FLG: variants seen among roughly 807,000 people sequenced by gnomAD.
The protein encoded by FLG is filaggrin.
FLG carries 6 observed loss-of-function variants against 3.8 expected under a neutral mutation model. The ratio of observed to expected loss-of-function variants is 1.60; its 90% CI spans 0.87 to 3.15. The LOEUF (loss-of-function observed/expected upper bound fraction) is 3.15. Among genes scored for constraint, FLG ranks in the 30% most tolerant of loss-of-function variants. The pLI is 0.00. For synonymous variants in FLG, 2,551 were observed against 1,931.6 expected (o/e 1.32, Z -8.41); for missense variants, 7,595 against 5,050.9 (o/e 1.50, Z -15.27).
chr1:152,315,535 AT>A, intron 1 of FLG, 58 bp from the exon 2 acceptor site: 1 of 1,313,582 alleles, frequency 7.6e-7, no homozygotes, highest in Non-Finnish European at 1.1e-6. Context: ...AGGTTATATT[AT>A]TACAATCATT....
rs115489580 is a variant in FLG, at chr1:152,314,737, T to C, written c.149A>G (p.Asp50Gly). 4,374 of 1,613,848 alleles carry C rather than the reference T, an allele frequency of 2.7e-3. 101 individuals carry two copies. The African/African-American group carries it at 0.051, about 19-fold the overall frequency. The change falls in exon 3 of 3, where the codon GAC becomes GGC. Residue 50 changes from aspartate (D) to glycine (G), a missense_variant. Physicochemically the swap from Asp to Gly is moderately conservative, Grantham distance 94. Transcript: ENST00000368799. ...CATGAAGACATCAACCATATCTGGG[T>C]CATCTGGATTCTGTACAGAGGGAAG... ...EFRQILKNPD[D>G]PDMVDVFMDH...
rs534493450 is a variant in FLG, at chr1:152,312,744, G to C, written c.2142C>G (p.Leu714=). 1.7e-5 allele frequency: 27 copies of C among 1,613,646 alleles called. No homozygotes were observed. The South Asian group carries it at 3.0e-4, about 18-fold the overall frequency. The change falls in exon 3 of 3, where the codon CTC becomes CTG. Residue 714 remains leucine (L), a synonymous_variant. Transcript: ENST00000368799. ...AGTGTCTGGAGCTGTCTGCTGACTG[G>C]AGCTGGTGGCGGGATCCATGTCTTT... ...AGERHGSRHQ[L]QSADSSRHSG...
Position 152,314,691 on chromosome 1 carries a change from G to A in FLG, c.195C>T (p.His65=), listed in dbSNP as rs776679330. The A allele has an allele frequency of 1.4e-5, 23 of 1,613,944 alleles. No homozygotes were observed. The highest frequency in any genetic ancestry group is 1.9e-5 in the Non-Finnish European group (22 of 1,179,892). ...ACTCAGTGAAGTCAATTTTCTTGTT[G>A]TGGTCTATATCCAAGTGATCCATGA... is the stretch of plus-strand genomic sequence containing the variant. ...DVFMDHLDID[H]NKKIDFTEFL... Residue 65 remains histidine (H), a synonymous_variant, in exon 3 of 3, where the codon CAC becomes CAT. Coordinates refer to ENST00000368799, the MANE Select transcript of FLG (RefSeq NM_002016.2).
In FLG at chr1:152,314,128, T is replaced by C. The variant is rs944553671; in HGVS notation, c.758A>G (p.Glu253Gly). ...CCTTGATCTTTCATATATTTTGTTT[T>C]CTTCTAATAGACTATCAGTGGTGTC... ...AYDTTDSLLE[E>G]NKIYERSRSS... The change falls in exon 3 of 3, where the codon GAA (glutamate) becomes GGA (glycine). Residue 253 changes from glutamate to glycine, a missense_variant. Physicochemically the swap from Glu to Gly is moderately conservative, Grantham distance 98. Transcript: ENST00000368799. 5 of 1,614,098 alleles carry C rather than the reference T, an allele frequency of 3.1e-6. No individual in the cohort carries two copies. Among genetic ancestry groups the C allele is most frequent in the Admixed American group, 3.3e-5 (2 of 60,010 alleles).
Position 152,313,026 on chromosome 1 carries a change from A to G in FLG, c.1860T>C (p.Ser620=), listed in dbSNP as rs1181860231. ...CCTGACTGTCACTGTCCTGGCTAAC[A>G]CTGGATCCCTGGTTCCTACTTGTCC... ...GPRTSRNQGS[S]VSQDSDSQGH... The change falls in exon 3 of 3, where the codon AGT becomes AGC. Residue 620 remains serine (S), a synonymous_variant. Transcript: ENST00000368799. The G allele has an allele frequency of 5.6e-6, 9 of 1,613,822 alleles. 1 individual carries two copies. The South Asian group carries it at 9.9e-5, about 18-fold the overall frequency.
rs36006086 is a variant in FLG at position 152,309,215 on chromosome 1, G to T, written c.5671C>A (p.Arg1891=). 36 of 1,613,506 alleles carry T rather than the reference G, an allele frequency of 2.2e-5. 1 individual carries two copies. In the South Asian group the frequency reaches 3.6e-4, roughly 16 times the overall value. ...SGSRHHEASS[R]ADSSRHSQVG... ...TGCGAGTGTCTAGAGCTGTCGGCCC[G>T]AGAGGAAGCTTCATGGTGACGCGAC... is the stretch of plus-strand genomic sequence containing the variant. The change falls in exon 3 of 3, where the codon CGG becomes AGG. Residue 1891 remains arginine (R), a synonymous_variant. Coordinates refer to ENST00000368799, the MANE Select transcript of FLG (RefSeq NM_002016.2).
rs537613100 is a variant in FLG at position 152,318,814 on chromosome 1, G to A, written c.-21-3337C>T. ...TGAGGTGCCTGCCTACTTTTGTGAA[G>A]ACAATAAACAAACAATAAATTAATT... On this transcript the variant is annotated intron_variant, in intron 1 of 2. Coordinates refer to ENST00000368799, the MANE Select transcript of FLG (RefSeq NM_002016.2). Among the ~76,000 whole-genome samples, 46 of 151,862 alleles carry A rather than the reference G, an allele frequency of 3.0e-4. 1 individual carries two copies. In the East Asian group the frequency reaches 8.5e-3, roughly 28 times the overall value.
Position 152,307,276 on chromosome 1 carries a change from G to A in FLG, c.7610C>T (p.Ala2537Val), listed in dbSNP as rs1413858376. The A allele has an allele frequency of 1.2e-6, 2 of 1,613,336 alleles. No homozygotes were observed. Among genetic ancestry groups the A allele is most frequent in the South Asian group, 1.1e-5 (1 of 91,052 alleles). ...SRHSGSRHHE[A>V]SSRADSSGHS... ...TCCAGAGCTGTCGGCCCGAGAGGAA[G>A]CTTCATGGTGACGCGACCCTGAGTG... is the stretch of plus-strand genomic sequence containing the variant. Residue 2537 changes from alanine (A) to valine (V), a missense_variant, in exon 3 of 3, where the codon GCT becomes GTT. Physicochemically the swap from Ala to Val is moderately conservative, Grantham distance 64. Transcript: ENST00000368799.
chr1:152,308,138 C>G lies in FLG; in HGVS notation c.6748G>C (p.Glu2250Gln), dbSNP rs3120645. ...CTCTCAGAATCTTCTGAGTGTCCCT[C>G]ACTGTCACTGTCCTGGCTAACACTG... ...GSSVSQDSDS[E>Q]GHSEDSERRS... Residue 2250 changes from glutamate (E) to glutamine (Q), a missense_variant, in exon 3 of 3, where the codon GAG becomes CAG. By Grantham distance (29) the Glu-to-Gln change is conservative. Coordinates refer to ENST00000368799, the MANE Select transcript of FLG (RefSeq NM_002016.2). The G allele has an allele frequency of 2.4e-3, 3,709 of 1,556,628 alleles. 70 individuals are homozygous for G. The African/African-American group carries it at 0.044, about 18-fold the overall frequency.
chr1:152,304,738 G>C lies in FLG; in HGVS notation c.10148C>G (p.Ser3383Ter), dbSNP rs777383298. Residue 3383 changes from serine (S) to a stop codon, truncating the protein, a stop_gained, in exon 3 of 3, where the codon TCA (serine) becomes TGA (stop). Coordinates refer to ENST00000368799, the MANE Select transcript of FLG (RefSeq NM_002016.2). LOFTEE classifies it low-confidence loss of function (END_TRUNC). The part of the protein sequence containing the change: ...RDRSGGRSGR[S>*]GSFLYQVSTH... Reference sequence around the variant, plus strand: ...GCTCACCTGGTAGAGGAAAGACCCTGAACGTCCAGACCTTCCCCCTGACCG... The same window carrying C: ...GCTCACCTGGTAGAGGAAAGACCCTCAACGTCCAGACCTTCCCCCTGACCG... 3 of 1,613,494 alleles carry C rather than the reference G, an allele frequency of 1.9e-6. No individual in the cohort carries two copies. Among genetic ancestry groups the C allele is most frequent in the Non-Finnish European group, 2.5e-6 (3 of 1,179,884 alleles).
chr1:152,312,529 C>A lies in FLG; in HGVS notation c.2357G>T (p.Arg786Met). 2 of 1,613,602 alleles carry A rather than the reference C, an allele frequency of 1.2e-6. No individual in the cohort carries two copies. Among genetic ancestry groups the A allele is most frequent in the Non-Finnish European group, 1.7e-6 (2 of 1,179,942 alleles). Reference protein sequence around the residue: ...QESARDRSGERSRRSGSFLYQ... With the variant: ...QESARDRSGEMSRRSGSFLYQ... ...GAGGAAAGACCCTGAACGTCGAGAC[C>A]TTTCCCCTGACCGGTCACGTGCGGA... Residue 786 changes from arginine (R) to methionine (M), a missense_variant, in exon 3 of 3, where the codon AGG (arginine) becomes ATG (methionine). Arg to Met is a moderately conservative substitution (Grantham distance 91, BLOSUM62 -1). Coordinates refer to ENST00000368799, the MANE Select transcript of FLG (RefSeq NM_002016.2).
Position 152,309,632 on chromosome 1 carries a change from G to C in FLG, c.5254C>G (p.Arg1752Gly). ...PHQQSHQEST[R>G]GQSGERSGRS... ...CCAGACCTTTCCCCTGACTGGCCAC[G>C]TGTGGACTCTTGGTGGCTCTGCTGA... The change falls in exon 3 of 3, where the codon CGT becomes GGT. Residue 1752 changes from arginine to glycine, a missense_variant. By Grantham distance (125) the Arg-to-Gly change is moderately radical. Coordinates refer to ENST00000368799, the MANE Select transcript of FLG (RefSeq NM_002016.2). 6.2e-7 allele frequency: 1 copy of C among 1,613,992 alleles called. No individual in the cohort carries two copies. Among genetic ancestry groups the C allele is most frequent in the Non-Finnish European group, 8.5e-7 (1 of 1,179,998 alleles).
chr1:152,305,345 G>A lies in FLG; in HGVS notation c.9541C>T (p.Arg3181Cys), dbSNP rs555274375. Residue 3181 changes from arginine to cysteine, a missense_variant, in exon 3 of 3, where the codon CGT becomes TGT. Arg to Cys is a radical substitution (Grantham distance 180). Coordinates refer to ENST00000368799, the MANE Select transcript of FLG (RefSeq NM_002016.2). ...GCATGAGTGGAAGCTTCATGGTGAC[G>A]TGACACTGAGTGCCTGGAGCTGTCT... ...SGDSSRHSVSRHHEASTHADI... is the reference protein window; with the variant it reads ...SGDSSRHSVSCHHEASTHADI... 62 of 1,606,824 alleles carry A rather than the reference G, an allele frequency of 3.9e-5. 1 individual carries two copies. The highest frequency in any genetic ancestry group is 1.9e-4 in the Admixed American group (11 of 59,236).
Position 152,312,181 on chromosome 1 carries a change from G to C in FLG, c.2705C>G (p.Ser902Ter), listed in dbSNP as rs762854210. Reference sequence around the variant, plus strand: ...CCCTGAGTGCCTGGAGCCGTCTCTTGATTGTTCCTCATTACGTGTTGTTCT... The same window carrying C: ...CCCTGAGTGCCTGGAGCCGTCTCTTCATTGTTCCTCATTACGTGTTGTTCT... ...ASRTTRNEEQ[S>*]RDGSRHSGSR... The change falls in exon 3 of 3, where the codon TCA becomes TGA. Residue 902 changes from serine to a stop codon, truncating the protein, a stop_gained. Coordinates refer to ENST00000368799, the MANE Select transcript of FLG (RefSeq NM_002016.2). LOFTEE classifies it low-confidence loss of function (END_TRUNC). 1.2e-6 allele frequency: 2 copies of C among 1,613,876 alleles called. No homozygotes were observed. The highest frequency in any genetic ancestry group is 3.3e-5 in the Admixed American group (2 of 59,986).
chr1:152,304,815 G>T lies in FLG; in HGVS notation c.10071C>A (p.Gly3357=). ...GCTGATGGGGCCCAGCCTGTCCATG[G>T]CCTGACACTGACTGTGTGTCTGACT... ...SEESDTQSVS[G]HGQAGPHQQS... The change falls in exon 3 of 3, where the codon GGC becomes GGA. Residue 3357 remains glycine, a synonymous_variant. Coordinates refer to ENST00000368799, the MANE Select transcript of FLG (RefSeq NM_002016.2). 1.2e-6 allele frequency: 2 copies of T among 1,613,870 alleles called. No homozygotes were observed. The highest frequency in any genetic ancestry group is 1.7e-6 in the Non-Finnish European group (2 of 1,179,982).
rs1652612249 is a variant in FLG at position 152,313,569 on chromosome 1, G to T, written c.1317C>A (p.Gly439=). ...GCTGTCTCAGCCCAGCCTTTCCGTGGCCTGACACTGATTGTGTGTCTGAGT... is the reference window on the plus strand; with the variant it reads ...GCTGTCTCAGCCCAGCCTTTCCGTGTCCTGACACTGATTGTGTGTCTGAGT... The part of the protein sequence containing the change: ...SENSDTQSVS[G]HGKAGLRQQS... The change falls in exon 3 of 3, where the codon GGC becomes GGA. Residue 439 remains glycine (G), a synonymous_variant. Coordinates refer to ENST00000368799, the MANE Select transcript of FLG (RefSeq NM_002016.2). 4 of 1,613,944 alleles carry T rather than the reference G, an allele frequency of 2.5e-6. No individual in the cohort carries two copies. Among genetic ancestry groups the T allele is most frequent in the Non-Finnish European group, 3.4e-6 (4 of 1,180,000 alleles).
chr1:152,308,196 T>A lies in FLG; in HGVS notation c.6690A>T (p.Ser2230=). 6.2e-7 allele frequency: 1 copy of A among 1,613,950 alleles called. No individual in the cohort carries two copies. ...SRHSLVGQGQ[S]SGPRTSRPRG... is the part of the protein sequence containing the mutation. ...GGGGCCTGCTTGTCCTGGGCCCTGA[T>A]GATTGTCCCTGGCCCACCAGTGAGT... The change falls in exon 3 of 3, where the codon TCA becomes TCT. Residue 2230 remains serine (S), a synonymous_variant. Transcript: ENST00000368799.
At chr1:152,320,756 C>A (rs754716367) in intron 1 of FLG, among the ~76,000 whole-genome samples, 1 of 150,972 alleles carries the variant, frequency 6.6e-6, no homozygotes, top group South Asian at 2.1e-4. Context: ...AATATCCATT[C>A]TTTTGAAATT....
chr1:152,311,485 G>A lies in FLG; in HGVS notation c.3401C>T (p.Thr1134Ile), dbSNP rs373814572. 68 of 1,613,748 alleles carry A rather than the reference G, an allele frequency of 4.2e-5. No homozygotes were observed. The Admixed American group carries it at 8.8e-4, about 21-fold the overall frequency. The change falls in exon 3 of 3, where the codon ACC becomes ATC. Residue 1134 changes from threonine to isoleucine, a missense_variant. Coordinates refer to ENST00000368799, the MANE Select transcript of FLG (RefSeq NM_002016.2). ...TTGTCTTCGTCCAGTGCTGGTCCTGGTCCGCCCATGGGCAGACTCAGACTG... is the reference window on the plus strand; with the variant it reads ...TTGTCTTCGTCCAGTGCTGGTCCTGATCCGCCCATGGGCAGACTCAGACTG... ...HEQSESAHGR[T>I]RTSTGRRQGS...
Sources: gnomAD v4.1 joint callset for allele counts (sites outside exome capture counted in the v4.1 genomes callset) on GRCh38, gnomAD v4.1.1 for gene constraint, MANE v1.5 for transcripts, NCBI Gene and HGNC (gene_info 2026-07-23, HGNC 2026-07-21) for gene names.